IL1A: variants seen among roughly 807,000 people sequenced by gnomAD.
IL1A encodes the protein interleukin 1 alpha, also known as interleukin-1 alpha.
A neutral mutation model predicts 22.2 loss-of-function variants in IL1A; 16 were observed. The ratio of observed to expected loss-of-function variants is 0.72; its 90% CI spans 0.49 to 1.09. The LOEUF (loss-of-function observed/expected upper bound fraction) is 1.09, where lower values mean the gene tolerates loss of function less well. Ranked by LOEUF, IL1A falls within the 50% of genes least tolerant of loss-of-function variation. The pLI, the probability that IL1A is intolerant of heterozygous loss-of-function variation, is 0.00. For missense variants in IL1A, 317 were observed against 321.8 expected, an observed-to-expected ratio of 0.99 and a Z score of 0.11; for synonymous variants, 113 against 118.5, an observed-to-expected ratio of 0.95 and a Z score of 0.30.
chr2:112,781,866 G>T, intron 3 of IL1A, 40 bp from the exon 4 acceptor site: 1 of 1,438,024 alleles, frequency 7.0e-7, no homozygotes, highest in Non-Finnish European at 9.8e-7. Flanking sequence ...GCTGTTCATG[G>T]TCAGGGAATG....
At chr2:112,780,952 A>G (rs944652658) in intron 4 of IL1A, among the ~76,000 whole-genome samples, 1 of 151,908 alleles carries the variant, frequency 6.6e-6, no homozygotes, top group Non-Finnish European at 1.5e-5. Context: ...CCCAGGAGGC[A>G]GAGCTTGCAG....
At chr2:112,778,837 A>G (rs1681145371) in intron 5 of IL1A, among the ~76,000 whole-genome samples, 1 of 152,246 alleles carries the variant, frequency 6.6e-6, no homozygotes, top group Non-Finnish European at 1.5e-5. Flanking sequence ...TGTAGAGTTG[A>G]AAGCATGTTA....
chr2:112,780,425 CCTT>C (rs1390056454), intron 4 of IL1A, among the ~76,000 whole-genome samples: 2 of 152,164 alleles, frequency 1.3e-5, no homozygotes, highest in South Asian at 4.1e-4. Flanking sequence ...CATTTTAAAA[CCTT>C]CTAGGTGAAC....
intron 5 of IL1A, 107 bp downstream of exon 5, chr2:112,779,389 G>C (rs1681155617): frequency 2.2e-6 from 2 of 909,016 alleles, no homozygotes; most frequent in Admixed American, 2.6e-5. Context: ...GTGCAACCCA[G>C]AACTCTGAAG....
intron 1 of IL1A, among the ~76,000 whole-genome samples, 185 bp from the exon 2 acceptor site, chr2:112,783,963 C>T (rs1026516963): frequency 6.6e-6 from 1 of 152,200 alleles, no homozygotes; most frequent in Non-Finnish European, 1.5e-5. Flanking sequence ...TTTATTAGAT[C>T]GTAAACTTCT....
rs1681129551 is a variant in IL1A at position 112,778,058 on chromosome 2, C to T, written c.544G>A (p.Val182Met). Residue 182 changes from valine to methionine, a missense_variant, in exon 6 of 7, where the codon GTG (valine) becomes ATG (methionine). Coordinates refer to ENST00000263339, the MANE Select transcript of IL1A (RefSeq NM_000575.5). ...TGAGTTTTTGAGATTCTTAGAATCA[C>T]GGTAATTTTAGCATCATCCTTTGAT... The part of the protein sequence containing the change: ...KSSKDDAKIT[V>M]ILRISKTQLY... 6 of 1,613,842 alleles carry T rather than the reference C, an allele frequency of 3.7e-6. No homozygotes were observed. The highest frequency in any genetic ancestry group is 2.7e-5 in the African/African-American group (2 of 75,008).
At position 112,778,130 on chromosome 2, in the gene IL1A, A is replaced by G. The variant is rs757250652; in HGVS notation, c.491-19T>C. On this transcript the variant is annotated intron_variant, in intron 5 of 6. Coordinates refer to ENST00000263339, the MANE Select transcript of IL1A (RefSeq NM_000575.5). ...AATTTCACTGGTGAAGAGAAGAACC[A>G]AAAAGAAAGTAAATTCATTGTATTT... is the stretch of plus-strand genomic sequence containing the variant. The G allele has an allele frequency of 1.9e-6, 3 of 1,607,654 alleles. No individual in the cohort carries two copies. The highest frequency in any genetic ancestry group is 2.6e-6 in the Non-Finnish European group (3 of 1,175,492).
At position 112,778,011 on chromosome 2, in the gene IL1A, A is replaced by G. The variant is rs774219271; in HGVS notation, c.591T>C (p.Asp197=). Residue 197 remains aspartate, a synonymous_variant, in exon 6 of 7, where the codon GAT becomes GAC. Transcript: ENST00000263339. ...CCTTCAGCAGCACTGGTTGGTCTTC[A>G]TCTTGGGCAGTCACATACAATTGAG... ...SKTQLYVTAQ[D]EDQPVLLKEM... 1.9e-6 allele frequency: 3 copies of G among 1,614,240 alleles called. No individual in the cohort carries two copies. In the East Asian group the frequency reaches 6.7e-5, roughly 36 times the overall value.
At chr2:112,779,096 T>G (rs1388381071) in intron 5 of IL1A, among the ~76,000 whole-genome samples, 1 of 152,250 alleles carries the variant, frequency 6.6e-6, no homozygotes, top group Non-Finnish European at 1.5e-5. Flanking sequence ...CTTGTGAGTT[T>G]GATCAACAGA....
intron 2 of IL1A, among the ~76,000 whole-genome samples, 168 bp downstream of exon 2, chr2:112,783,556 T>C (rs1681250451): frequency 6.6e-6 from 1 of 152,234 alleles, no homozygotes; most frequent in African/African-American, 2.4e-5. Context: ...ACATGCTGAA[T>C]GCTTAGTTTT....
At chr2:112,783,833 C>A in intron 1 of IL1A, 55 bp from the exon 2 acceptor site, 1 of 1,470,782 alleles carries the variant, frequency 6.8e-7, no homozygotes, top group Non-Finnish European at 9.5e-7. Context: ...ATCCAGATAT[C>A]TGTGAGGGGA....
In IL1A at chr2:112,779,199, T is replaced by C. The variant is rs3783583; in HGVS notation, c.490+297A>G. Reference sequence around the variant, plus strand: ...CTGACAGTTTCCTCAGTTTTAAAATTGAGGGTAAGAATGTCTGAAAGAACC... The same window carrying C: ...CTGACAGTTTCCTCAGTTTTAAAATCGAGGGTAAGAATGTCTGAAAGAACC... On this transcript the variant is annotated intron_variant, in intron 5 of 6. Transcript: ENST00000263339. 7.7e-3 allele frequency among the ~76,000 whole-genome samples: 1,178 copies of C among 152,268 alleles called. 16 individuals carry two copies. The highest frequency in any genetic ancestry group is 0.027 in the African/African-American group (1,122 of 41,562).
In IL1A at chr2:112,776,422, T is replaced by G. The variant is rs75461983; in HGVS notation, c.616-1155A>C. 2.7e-3 allele frequency among the ~76,000 whole-genome samples: 415 copies of G among 151,392 alleles called. 3 individuals carry two copies. The highest frequency in any genetic ancestry group is 9.7e-3 in the African/African-American group (396 of 40,842). On this transcript the variant is annotated intron_variant, in intron 6 of 6. Coordinates refer to ENST00000263339, the MANE Select transcript of IL1A (RefSeq NM_000575.5). ...AGGCCTGGGTGCATTCAGACTCCTC[T>G]GAATGTCCCAAAAACCCACAACCAT... is the stretch of plus-strand genomic sequence containing the variant.
At position 112,775,093 on chromosome 2, in the gene IL1A, A is replaced by T. The variant is rs867638751; in HGVS notation, c.790T>A (p.Phe264Ile). ...TACGCCTGGTTTTCCAGTATCTGAAAGTCAGTGATAGAGGGTGGCCCCCCT... is the reference window on the plus strand; with the variant it reads ...TACGCCTGGTTTTCCAGTATCTGAATGTCAGTGATAGAGGGTGGCCCCCCT... The part of the protein sequence containing the change: ...LAGGPPSITD[F>I]QILENQA Residue 264 changes from phenylalanine (F) to isoleucine (I), a missense_variant, in exon 7 of 7, where the codon TTT (phenylalanine) becomes ATT (isoleucine). Transcript: ENST00000263339. 1.2e-6 allele frequency: 2 copies of T among 1,614,174 alleles called. No individual in the cohort carries two copies. Among genetic ancestry groups the T allele is most frequent in the Middle Eastern group, 1.7e-4 (1 of 6,058 alleles).
rs1426167306 is a variant in IL1A at position 112,774,459 on chromosome 2, T to TA, written c.*607dup. 1.3e-5 allele frequency: 2 copies of TA among 150,958 alleles called. No individual in the cohort carries two copies. Among genetic ancestry groups the TA allele is most frequent in the African/African-American group, 4.8e-5 (2 of 41,276 alleles). 9.4% of individuals were successfully genotyped at this position (150,958 alleles called of 1,614,324 possible). A position where few individuals can be genotyped will look rare whatever the true frequency, so the allele number is the denominator to read the frequency against. On this transcript the variant is annotated 3_prime_UTR_variant, in exon 7 of 7. Coordinates refer to ENST00000263339, the MANE Select transcript of IL1A (RefSeq NM_000575.5). ...TATAAATACATATATAAATAATAAT[T>TA]AAAAAATAACATTTCGTGCTTTGCC...
At position 112,775,282 on chromosome 2, in the gene IL1A, A is replaced by G. The variant is rs759804652; in HGVS notation, c.616-15T>C. On this transcript the variant is annotated splice_polypyrimidine_tract_variant and intron_variant, in intron 6 of 6. Coordinates refer to ENST00000263339, the MANE Select transcript of IL1A (RefSeq NM_000575.5). ...TCAGGCATCTCCTATGAAGAAAAGA[A>G]GAGAATTCTGTTAGAGAACAAGATG... is the stretch of plus-strand genomic sequence containing the variant. The G allele has an allele frequency of 1.2e-6, 2 of 1,603,318 alleles. No individual in the cohort carries two copies. Among genetic ancestry groups the G allele is most frequent in the Admixed American group, 3.3e-5 (2 of 59,980 alleles).
intron 6 of IL1A, 126 bp downstream of exon 6, chr2:112,777,861 C>T (rs2071375): frequency 0.28 from 245,774 of 881,608 alleles, 35,891 homozygotes; most frequent in Middle Eastern, 0.37. Context: ...GTGGGGTGGG[C>T]AGGTGGGGGC....
In IL1A at chr2:112,774,840, A is replaced by T. The variant is rs1681072108; in HGVS notation, c.*227T>A. ...TCCTCCTAAAATTGTTATGAAGAAT[A>T]ATAATTAAAATGATTGGTACTATGC... On this transcript the variant is annotated 3_prime_UTR_variant, in exon 7 of 7. Transcript: ENST00000263339. The T allele has an allele frequency of 2.3e-6, 1 of 441,682 alleles. No homozygotes were observed. The allele number at this position is 441,682 out of a possible 1,614,324, so 27.4% of individuals were successfully genotyped here. A position where few individuals can be genotyped will look rare whatever the true frequency, so the allele number is the denominator to read the frequency against.
rs761403801 is a variant in IL1A, at chr2:112,775,148, G to T, written c.735C>A (p.Ala245=). 6 of 1,614,066 alleles carry T rather than the reference G, an allele frequency of 3.7e-6. No homozygotes were observed. The highest frequency in any genetic ancestry group is 5.1e-6 in the Non-Finnish European group (6 of 1,180,022). ...AGCACACCCAGTAGTCTTGCTTTGT[G>T]GCAATAAACAAGTTTGGATGGGCAA... is the stretch of plus-strand genomic sequence containing the variant. The part of the protein sequence containing the change: ...TSVAHPNLFI[A]TKQDYWVCLA... The change falls in exon 7 of 7, where the codon GCC becomes GCA. Residue 245 remains alanine (A), a synonymous_variant. Coordinates refer to ENST00000263339, the MANE Select transcript of IL1A (RefSeq NM_000575.5).
Sources: gnomAD v4.1 joint callset for allele counts (sites outside exome capture counted in the v4.1 genomes callset) on GRCh38, gnomAD v4.1.1 for gene constraint, MANE v1.5 for transcripts, NCBI Gene and HGNC (gene_info 2026-07-23, HGNC 2026-07-21) for gene names.